Variants in ENPP3 observed in about 807,000 individuals in gnomAD.
ENPP3 encodes ectonucleotide pyrophosphatase/phosphodiesterase 3.
ENPP3 carries 104 observed loss-of-function variants against 117.8 expected under a neutral mutation model. The observed-to-expected ratio is 0.88, with a 90% CI of 0.75 to 1.04. The LOEUF (loss-of-function observed/expected upper bound fraction) is 1.04. ENPP3 is among the 50% of genes least tolerant of loss of function. ENPP3 has a pLI of 0.00. For synonymous variants in ENPP3, 380 were observed against 349.9 expected, an observed-to-expected ratio of 1.09 and a Z score of -0.96; for missense variants, 1,026 against 1,051.9, an observed-to-expected ratio of 0.98 and a Z score of 0.34.
rs762992001 is a variant in ENPP3, at chr6:131,652,821, T to C, written c.404-10T>C. ...AGCAAGTATCAAGATTTTGATCTTA[T>C]GCTTTTCAGGAGAAACCTCATGGCT... On this transcript the variant is annotated splice_polypyrimidine_tract_variant and intron_variant, in intron 4 of 24. Coordinates refer to ENST00000357639, the MANE Select transcript of ENPP3 (RefSeq NM_005021.5). 3 of 1,612,222 alleles carry C rather than the reference T, an allele frequency of 1.9e-6. No homozygotes were observed. Among genetic ancestry groups the C allele is most frequent in the South Asian group, 1.1e-5 (1 of 91,052 alleles).
intron 16 of ENPP3, 120 bp from the exon 17 acceptor site, chr6:131,720,172 C>A: frequency 1.8e-6 from 1 of 560,606 alleles, no homozygotes; most frequent in Non-Finnish European, 3.1e-6. Flanking sequence ...AAAAAAAATT[C>A]CTTACAGAGG....
At chr6:131,730,777 T>A (rs1780260917) in intron 20 of ENPP3, among the ~76,000 whole-genome samples, 1 of 151,970 alleles carries the variant, frequency 6.6e-6, no homozygotes, top group Non-Finnish European at 1.5e-5. Flanking sequence ...TAGCTGGGCG[T>A]GGTGGCGCAT....
intron 3 of ENPP3, among the ~76,000 whole-genome samples, chr6:131,651,292 T>G (rs146753267): frequency 6.6e-6 from 1 of 152,308 alleles, no homozygotes; most frequent in East Asian, 1.9e-4. Context: ...CTTCAACATA[T>G]TTTTAGAGGA....
At chr6:131,663,681 G>A (rs1223435138) in intron 6 of ENPP3, among the ~76,000 whole-genome samples, 4 of 147,150 alleles carry the variant, frequency 2.7e-5, no homozygotes, top group Non-Finnish European at 4.4e-5. Flanking sequence ...GTAACAGAGC[G>A]AGTTCTTGTC....
At chr6:131,672,603 A>G (rs1327391823) in intron 7 of ENPP3, among the ~76,000 whole-genome samples, 1 of 152,126 alleles carries the variant, frequency 6.6e-6, no homozygotes, top group Admixed American at 6.5e-5. Flanking sequence ...TTCAGTAATC[A>G]TTAATTTAGT....
intron 14 of ENPP3, among the ~76,000 whole-genome samples, chr6:131,686,266 C>CT (rs548542642): frequency 4.6e-5 from 7 of 151,910 alleles, no homozygotes; most frequent in Admixed American, 3.3e-4. Flanking sequence ...TCTTACAGAT[C>CT]TTTTTTTTAC....
At chr6:131,664,732 T>A (rs1343303912) in intron 6 of ENPP3, among the ~76,000 whole-genome samples, 1 of 152,208 alleles carries the variant, frequency 6.6e-6, no homozygotes, top group Non-Finnish European at 1.5e-5. Context: ...TGTGTTACAA[T>A]TGCTTACAGT....
At chr6:131,696,777 T>G (rs915433169) in intron 15 of ENPP3, among the ~76,000 whole-genome samples, 1 of 150,854 alleles carries the variant, frequency 6.6e-6, no homozygotes, top group African/African-American at 2.4e-5. Flanking sequence ...ACCTTTTTTT[T>G]TTTTTTTTTT....
At chr6:131,669,561 C>CT (rs532709699) in intron 6 of ENPP3, among the ~76,000 whole-genome samples, 28 of 147,462 alleles carry the variant, frequency 1.9e-4, no homozygotes, top group Non-Finnish European at 3.3e-4. Context: ...GTAGTCCCAG[C>CT]TACTCGGGAG....
intron 14 of ENPP3, among the ~76,000 whole-genome samples, chr6:131,691,602 GAA>G (rs1779280942): frequency 6.8e-6 from 1 of 147,808 alleles, no homozygotes; most frequent in African/African-American, 2.5e-5. Context: ...AAAAAAAAAA[GAA>G]AGAGAAAAAA....
intron 15 of ENPP3, chr6:131,709,933 TGA>T: frequency 1.9e-6 from 3 of 1,580,070 alleles, no homozygotes; most frequent in Non-Finnish European, 1.7e-6. Context: ...AGATGCTTGT[TGA>T]GTCTGAAGAT....
At chr6:131,638,277 G>T (rs1777969359) in intron 1 of ENPP3, among the ~76,000 whole-genome samples, 1 of 152,080 alleles carries the variant, frequency 6.6e-6, no homozygotes, top group Non-Finnish European at 1.5e-5. Flanking sequence ...CTTCTACCAT[G>T]ACATTGACAT....
intron 23 of ENPP3, among the ~76,000 whole-genome samples, chr6:131,738,722 G>T (rs1244964661): frequency 6.6e-6 from 1 of 152,106 alleles, no homozygotes; most frequent in Non-Finnish European, 1.5e-5. Flanking sequence ...AGTTTTGAAT[G>T]CAGAGCACAG....
At chr6:131,724,173 T>C in intron 19 of ENPP3, 82 bp downstream of exon 19, 1 of 881,578 alleles carries the variant, frequency 1.1e-6, no homozygotes, top group South Asian at 1.5e-5. Flanking sequence ...CTCTCCAAAA[T>C]AAGCTGACAG....
Position 131,693,642 on chromosome 6 carries a change from C to CT in ENPP3, c.1412+20dup. The CT allele has an allele frequency of 2.5e-6, 4 of 1,610,314 alleles. No homozygotes were observed. The South Asian group carries it at 4.4e-5, about 18-fold the overall frequency. On this transcript the variant is annotated intron_variant, in intron 15 of 24. Coordinates refer to ENST00000357639, the MANE Select transcript of ENPP3 (RefSeq NM_005021.5). ...GCTGTTAGGTTCGTGTATCTGTTTA[C>CT]TTATCTCATAATGCCTTTAATAACC...
At chr6:131,698,262 A>C (rs1375770524) in intron 15 of ENPP3, among the ~76,000 whole-genome samples, 4 of 150,086 alleles carry the variant, frequency 2.7e-5, no homozygotes, top group African/African-American at 9.8e-5. Context: ...ACTGTTGAAA[A>C]TGTTCTCCAA....
rs1374292433 is a variant in ENPP3 at position 131,710,217 on chromosome 6, C to T, written c.1413-8455C>T. ...TCATTGGCAAGTGTCCAGTCAGGGT[C>T]TTGATGTGATTTTCTTTATCATTCA... On this transcript the variant is annotated intron_variant, in intron 15 of 24. Coordinates refer to ENST00000357639, the MANE Select transcript of ENPP3 (RefSeq NM_005021.5). The T allele has an allele frequency of 1.9e-6, 3 of 1,604,216 alleles. No homozygotes were observed. The South Asian group carries it at 3.3e-5, about 18-fold the overall frequency.
intron 5 of ENPP3, among the ~76,000 whole-genome samples, chr6:131,653,757 T>C (rs1036898381): frequency 1.3e-5 from 2 of 152,130 alleles, no homozygotes; most frequent in African/African-American, 4.8e-5. Flanking sequence ...TTTCTTCCTT[T>C]TGAGAGCAGG....
rs528671016 is a variant in ENPP3, at chr6:131,677,952, T to C, written c.1011+12T>C. The C allele has an allele frequency of 3.2e-6, 5 of 1,573,134 alleles. No homozygotes were observed. The South Asian group carries it at 5.7e-5, about 18-fold the overall frequency. ...CAGTCAGTGCCAGAGTAAGTTGTTG[T>C]TTTCTTAAAAGAAAAAAAAAAATGT... On this transcript the variant is annotated intron_variant, in intron 11 of 24. Coordinates refer to ENST00000357639, the MANE Select transcript of ENPP3 (RefSeq NM_005021.5).
Sources: gnomAD v4.1 joint callset for allele counts (sites outside exome capture counted in the v4.1 genomes callset) on GRCh38, gnomAD v4.1.1 for gene constraint, MANE v1.5 for transcripts, NCBI Gene and HGNC (gene_info 2026-07-23, HGNC 2026-07-21) for gene names.